The following SLC35F1 variants were observed in gnomAD, a reference collection of about 807,000 sequenced individuals.
The protein encoded by SLC35F1 is solute carrier family 35 member F1, also known as chromosome 6 open reading frame 169.
SLC35F1 carries 14 observed loss-of-function variants against 48.7 expected under a neutral mutation model. The observed-to-expected ratio is 0.29, with a 90% confidence interval of 0.19 to 0.45. SLC35F1 has a LOEUF of 0.45. Among genes scored for constraint, SLC35F1 ranks in the 20% least tolerant of loss-of-function variants. The pLI is 1.00. For synonymous variants in SLC35F1, 190 were observed against 202.2 expected (o/e 0.94, Z 0.51); for missense variants, 404 against 500.0 (o/e 0.81, Z 1.83).
chr6:118,219,912 G>A (rs1201161387), intron 2 of SLC35F1, among the ~76,000 whole-genome samples: 10 of 152,128 alleles, frequency 6.6e-5, no homozygotes, highest in East Asian at 3.9e-4. Flanking sequence ...GCAAACTATC[G>A]CAGGGACAGA....
intron 7 of SLC35F1, among the ~76,000 whole-genome samples, chr6:118,311,884 G>A (rs1776376487): frequency 6.6e-6 from 1 of 152,148 alleles, no homozygotes. Context: ...AAGTGCTATA[G>A]TAATAACAAA....
chr6:118,302,067 T>C (rs79768158), intron 7 of SLC35F1, among the ~76,000 whole-genome samples: 2,703 of 152,242 alleles, frequency 0.018, 83 homozygotes, highest in African/African-American at 0.062. Flanking sequence ...GTGAAGTGTC[T>C]GCCCCCTATT....
At chr6:118,019,286 A>G (rs954093017) in intron 1 of SLC35F1, among the ~76,000 whole-genome samples, 2 of 152,034 alleles carry the variant, frequency 1.3e-5, no homozygotes, top group South Asian at 2.1e-4. Flanking sequence ...TTTTTACCTG[A>G]TATTTTCAGA....
At chr6:118,262,256 G>A (rs1775722471) in intron 3 of SLC35F1, among the ~76,000 whole-genome samples, 1 of 152,086 alleles carries the variant, frequency 6.6e-6, no homozygotes, top group Non-Finnish European at 1.5e-5. Context: ...ATCCACAGAA[G>A]TCCAAAGAGA....
intron 1 of SLC35F1, among the ~76,000 whole-genome samples, chr6:117,935,338 C>T (rs928553144): frequency 2.0e-5 from 3 of 152,126 alleles, no homozygotes; most frequent in Non-Finnish European, 2.9e-5. Flanking sequence ...AGTAAGTAAG[C>T]AAATACTGAA....
chr6:118,159,048 G>A (rs560678585), intron 2 of SLC35F1, among the ~76,000 whole-genome samples: 9 of 151,686 alleles, frequency 5.9e-5, no homozygotes, highest in African/African-American at 1.4e-4. Context: ...GTGAAACCCC[G>A]TCTCTACTAA....
At chr6:118,269,798 G>A (rs972633587) in intron 4 of SLC35F1, among the ~76,000 whole-genome samples, 6 of 152,080 alleles carry the variant, frequency 3.9e-5, no homozygotes, top group African/African-American at 1.2e-4. Context: ...CGACTCAAGA[G>A]GCCAAGGCAG....
intron 2 of SLC35F1, among the ~76,000 whole-genome samples, chr6:118,219,329 A>G (rs948970936): frequency 2.6e-5 from 4 of 152,218 alleles, no homozygotes; most frequent in African/African-American, 9.6e-5. Context: ...TGTAACAGAA[A>G]AAGATCACAG....
At chr6:118,001,131 T>C (rs371038595) in intron 1 of SLC35F1, among the ~76,000 whole-genome samples, 10 of 152,128 alleles carry the variant, frequency 6.6e-5, no homozygotes, top group Admixed American at 2.6e-4. Flanking sequence ...AAAAAGAGCC[T>C]GCATCGCCAA....
chr6:118,149,215 G>A (rs1036743768), intron 1 of SLC35F1, among the ~76,000 whole-genome samples: 5 of 152,118 alleles, frequency 3.3e-5, no homozygotes, highest in African/African-American at 1.2e-4. Context: ...CTAAACAGAG[G>A]GTCTCTGAAG....
At chr6:118,262,079 C>A (rs1446999919) in intron 3 of SLC35F1, among the ~76,000 whole-genome samples, 1 of 152,176 alleles carries the variant, frequency 6.6e-6, no homozygotes, top group Non-Finnish European at 1.5e-5. Flanking sequence ...AGGCAGATCT[C>A]ACAGACACTC....
chr6:118,278,984 G>A (rs924417982), intron 6 of SLC35F1, among the ~76,000 whole-genome samples: 18 of 152,148 alleles, frequency 1.2e-4, no homozygotes, highest in East Asian at 3.9e-4. Context: ...CCATTAAAAC[G>A]TCAGTCCCCT....
intron 1 of SLC35F1, among the ~76,000 whole-genome samples, chr6:118,057,616 TGGGTTAATGA>T (rs1474177669): frequency 6.6e-6 from 1 of 152,208 alleles, no homozygotes; most frequent in Non-Finnish European, 1.5e-5. Context: ...CCTTGATATT[TGGGTTAATGA>T]GGTTTTGAAG....
intron 2 of SLC35F1, among the ~76,000 whole-genome samples, chr6:118,182,439 C>T (rs1774591517): frequency 6.7e-6 from 1 of 150,132 alleles, no homozygotes; most frequent in South Asian, 2.1e-4. Flanking sequence ...TTGCAGTGAC[C>T]TGTGTTCACA....
At chr6:117,980,131 CTGTT>C (rs1434160709) in intron 1 of SLC35F1, among the ~76,000 whole-genome samples, 3 of 152,108 alleles carry the variant, frequency 2.0e-5, no homozygotes, top group South Asian at 2.1e-4. Flanking sequence ...ATTGCAGACT[CTGTT>C]TGTGAGGTGT....
intron 2 of SLC35F1, among the ~76,000 whole-genome samples, chr6:118,155,486 G>T (rs760265231): frequency 1.3e-5 from 2 of 152,166 alleles, no homozygotes; most frequent in Non-Finnish European, 2.9e-5. Context: ...GCTCTCTCAT[G>T]TGTGCTCTTG....
chr6:117,953,399 G>A (rs141223045), intron 1 of SLC35F1, among the ~76,000 whole-genome samples: 44 of 151,356 alleles, frequency 2.9e-4, no homozygotes, highest in African/African-American at 9.5e-4. Flanking sequence ...CATATATATC[G>A]ACATGTATTT....
intron 1 of SLC35F1, among the ~76,000 whole-genome samples, chr6:118,102,562 A>G (rs1158852813): frequency 6.6e-6 from 1 of 152,216 alleles, no homozygotes; most frequent in Non-Finnish European, 1.5e-5. Flanking sequence ...CTGGATGACA[A>G]GGGATTAAAA....
At chr6:117,945,131 C>T (rs966875747) in intron 1 of SLC35F1, among the ~76,000 whole-genome samples, 1 of 152,142 alleles carries the variant, frequency 6.6e-6, no homozygotes, top group Admixed American at 6.5e-5. Flanking sequence ...GAAGATCCCT[C>T]TTGGCAGGGC....
Sources: allele counts gnomAD v4.1 joint callset (sites outside exome capture counted in the v4.1 genomes callset), GRCh38; gene constraint gnomAD v4.1.1; transcripts MANE v1.5; gene names NCBI Gene and HGNC (gene_info 2026-07-23, HGNC 2026-07-21).